ARHGAP32: variants seen among roughly 807,000 people sequenced by gnomAD.
ARHGAP32 encodes Rho GTPase activating protein 32, also known as rho GTPase-activating protein 32.
In ARHGAP32, 51 loss-of-function variants were observed where a neutral mutation model predicts 186.5. That is an observed-to-expected ratio of 0.27 (90% CI 0.22 to 0.35). ARHGAP32 has a LOEUF of 0.35. Ranked by LOEUF, ARHGAP32 falls within the 10% of genes least tolerant of loss-of-function variation. The probability of loss-of-function intolerance (pLI) is 1.00; values close to 1 mark genes in which losing one functional copy is unlikely to be tolerated. For missense variants in ARHGAP32, 2,186 were observed against 2,623.5 expected, an observed-to-expected ratio of 0.83 and a Z score of 3.64; for synonymous variants, 950 against 964.3, an observed-to-expected ratio of 0.99 and a Z score of 0.27.
intron 2 of ARHGAP32, among the ~76,000 whole-genome samples, chr11:129,144,005 GA>G (rs1943117858): frequency 6.6e-6 from 1 of 152,126 alleles, no homozygotes; most frequent in African/African-American, 2.4e-5. Flanking sequence ...CCATCAGAAA[GA>G]TAGATTTATT....
At position 129,011,388 on chromosome 11, in the gene ARHGAP32, A is replaced by G. The variant is rs931946338; in HGVS notation, c.1046-12920T>C. 2.6e-5 allele frequency among the ~76,000 whole-genome samples: 4 copies of G among 152,326 alleles called. No homozygotes were observed. The South Asian group carries it at 8.3e-4, about 32-fold the overall frequency. On this transcript the variant is annotated intron_variant, in intron 11 of 22. Coordinates refer to ENST00000682385, the MANE Select transcript of ARHGAP32 (RefSeq NM_001378024.1). ...CTGCCTAAATGAAGGCAACAAAGTA[A>G]TATCAGATTATTTATAGTGGCTAAT...
chr11:129,054,481 G>A (rs1342061312), intron 10 of ARHGAP32, among the ~76,000 whole-genome samples: 1 of 152,048 alleles, frequency 6.6e-6, no homozygotes, highest in Non-Finnish European at 1.5e-5. Context: ...TTTTTATCAC[G>A]TTTCTCTCAT....
At chr11:129,052,150 A>G (rs1228596922) in intron 10 of ARHGAP32, among the ~76,000 whole-genome samples, 1 of 152,184 alleles carries the variant, frequency 6.6e-6, no homozygotes, top group Non-Finnish European at 1.5e-5. Flanking sequence ...CAAGTGTTCC[A>G]CTGCCATTAC....
At chr11:129,217,706 T>C (rs930858738) in intron 1 of ARHGAP32, among the ~76,000 whole-genome samples, 2 of 152,156 alleles carry the variant, frequency 1.3e-5, no homozygotes, top group Admixed American at 1.3e-4. Flanking sequence ...ATTTAAGAAA[T>C]GACTAAGAAA....
intron 11 of ARHGAP32, among the ~76,000 whole-genome samples, chr11:129,012,877 C>T (rs1938150559): frequency 6.6e-6 from 1 of 152,066 alleles, no homozygotes; most frequent in Non-Finnish European, 1.5e-5. Context: ...ATATACTGAC[C>T]AATAAACATA....
At chr11:129,230,932 C>T (rs1029421572) in intron 1 of ARHGAP32, among the ~76,000 whole-genome samples, 1 of 152,042 alleles carries the variant, frequency 6.6e-6, no homozygotes, top group African/African-American at 2.4e-5. Context: ...GTCAGGAGTT[C>T]GAGACCAGCC....
At chr11:129,230,434 T>A (rs966093145) in intron 1 of ARHGAP32, among the ~76,000 whole-genome samples, 11 of 152,262 alleles carry the variant, frequency 7.2e-5, no homozygotes, top group African/African-American at 2.6e-4. Context: ...CATTTGAGTT[T>A]ACAGTGAGAA....
chr11:129,273,881 T>C (rs575116899), intron 1 of ARHGAP32, among the ~76,000 whole-genome samples: 12 of 152,266 alleles, frequency 7.9e-5, no homozygotes, highest in East Asian at 7.7e-4. Flanking sequence ...CAGAGACAAA[T>C]TGGACATAAC....
chr11:129,165,370 C>T (rs1348576312), intron 1 of ARHGAP32, among the ~76,000 whole-genome samples: 2 of 151,764 alleles, frequency 1.3e-5, no homozygotes, highest in East Asian at 3.9e-4. Flanking sequence ...CTGAAAAACC[C>T]CTGAGCTCTT....
intron 6 of ARHGAP32, among the ~76,000 whole-genome samples, chr11:129,071,216 A>T (rs1940856567): frequency 6.6e-6 from 1 of 152,018 alleles, no homozygotes; most frequent in African/African-American, 2.4e-5. Context: ...GTTAGTCTTG[A>T]ATGGGATTAT....
chr11:129,007,532 G>A (rs1215545668), intron 11 of ARHGAP32, among the ~76,000 whole-genome samples: 6 of 151,964 alleles, frequency 3.9e-5, no homozygotes, highest in African/African-American at 7.3e-5. Context: ...AGGCTAGAAT[G>A]GGGGCCTCAC....
intron 11 of ARHGAP32, among the ~76,000 whole-genome samples, chr11:129,035,653 G>C (rs1445553761): frequency 6.6e-6 from 1 of 152,070 alleles, no homozygotes; most frequent in African/African-American, 2.4e-5. Flanking sequence ...TTCGAGACCA[G>C]GTGGTCAACA....
chr11:129,133,397 T>C (rs750891171), intron 2 of ARHGAP32, among the ~76,000 whole-genome samples: 8 of 152,110 alleles, frequency 5.3e-5, no homozygotes, highest in Non-Finnish European at 1.0e-4. Context: ...GAAAGATATA[T>C]ATTTACAGAT....
intron 1 of ARHGAP32, among the ~76,000 whole-genome samples, chr11:129,213,436 C>T (rs1200629968): frequency 2.0e-5 from 3 of 152,134 alleles, no homozygotes; most frequent in Non-Finnish European, 4.4e-5. Context: ...ATGAGATTCC[C>T]TGCAACTGGC....
intron 5 of ARHGAP32, among the ~76,000 whole-genome samples, chr11:129,113,577 T>C (rs905808509): frequency 6.6e-6 from 1 of 152,044 alleles, no homozygotes. Context: ...TTTCCAGATT[T>C]CTAGGCTGCA....
At position 129,063,961 on chromosome 11, in the gene ARHGAP32, C is replaced by T. The variant is rs1286672152; in HGVS notation, c.826G>A (p.Gly276Ser). The change falls in exon 9 of 23, where the codon GGT (glycine) becomes AGT (serine). Residue 276 changes from glycine (G) to serine (S), a missense_variant. By Grantham distance (56) the Gly-to-Ser change is moderately conservative (BLOSUM62 0). This residue lies in a region of ARHGAP32 where 308 missense variants were observed against 596.5 expected (regional missense o/e 0.52). Transcript: ENST00000682385. The stretch of plus-strand genomic sequence containing the variant: ...TACCTCTTGATAACATGGGCAGCAC[C>T]GACAGCAGGAGTGTTGATGGATGAC... ...EESSINTPAVGAAHVIKRYTA... is the reference protein window; with the variant it reads ...EESSINTPAVSAAHVIKRYTA... The T allele has an allele frequency of 5.6e-6, 9 of 1,612,556 alleles. No individual in the cohort carries two copies. The highest frequency in any genetic ancestry group is 1.7e-5 in the Admixed American group (1 of 59,844).
At chr11:129,269,410 G>A (rs1483562424) in intron 1 of ARHGAP32, among the ~76,000 whole-genome samples, 4 of 152,140 alleles carry the variant, frequency 2.6e-5, no homozygotes, top group East Asian at 3.9e-4. Flanking sequence ...GGGAGAGGAC[G>A]AAGGCAGCCA....
At chr11:129,244,572 G>A (rs935658183) in intron 1 of ARHGAP32, among the ~76,000 whole-genome samples, 17 of 152,048 alleles carry the variant, frequency 1.1e-4, no homozygotes, top group African/African-American at 4.1e-4. Flanking sequence ...AAAAGCAATG[G>A]CAACAAAAGA....
intron 2 of ARHGAP32, among the ~76,000 whole-genome samples, chr11:129,125,316 G>A (rs1942635340): frequency 6.6e-6 from 1 of 151,936 alleles, no homozygotes. Context: ...AACATGACAT[G>A]TATATAATAC....
Sources: allele counts gnomAD v4.1 joint callset (sites outside exome capture counted in the v4.1 genomes callset), GRCh38; gene constraint gnomAD v4.1.1; regional missense constraint gnomAD v4.1.1; transcripts MANE v1.5; gene names NCBI Gene and HGNC (gene_info 2026-07-23, HGNC 2026-07-21).